TAF4B: variants seen among roughly 807,000 people sequenced by gnomAD.
The protein encoded by TAF4B is transcription initiation factor TFIID subunit 4B.
Under a neutral mutation model 86.4 loss-of-function variants are expected in TAF4B, and 38 were observed. That is an observed-to-expected ratio of 0.44 (90% CI 0.34 to 0.58). The LOEUF (loss-of-function observed/expected upper bound fraction) is 0.58, where lower values mean the gene tolerates loss of function less well. TAF4B is among the 20% of genes least tolerant of loss of function. The pLI, the probability that TAF4B is intolerant of heterozygous loss-of-function variation, is 0.02. For synonymous variants in TAF4B, 388 were observed against 391.2 expected (o/e 0.99, Z 0.10); for missense variants, 988 against 1,027.6 (o/e 0.96, Z 0.53).
intron 9 of TAF4B, among the ~76,000 whole-genome samples, chr18:26,313,718 T>A (rs926340820): frequency 6.6e-5 from 10 of 152,066 alleles, no homozygotes; most frequent in Non-Finnish European, 8.8e-5. Flanking sequence ...CAGGCTACAG[T>A]GCAGTGGCCT....
chr18:26,265,142 G>A (rs1301697929), intron 1 of TAF4B, 28 bp from the exon 2 acceptor site: 2 of 1,599,586 alleles, frequency 1.3e-6, no homozygotes, highest in East Asian at 4.5e-5. Flanking sequence ...TGGCTCAGAG[G>A]TCACTTTTTT....
intron 10 of TAF4B, among the ~76,000 whole-genome samples, chr18:26,316,491 A>C (rs1343406144): frequency 6.6e-6 from 1 of 151,864 alleles, no homozygotes. Flanking sequence ...CCCAGGTTCA[A>C]GTGATTCTCC....
intron 14 of TAF4B, among the ~76,000 whole-genome samples, chr18:26,359,500 T>A (rs2057314201): frequency 6.6e-6 from 1 of 152,228 alleles, no homozygotes; most frequent in East Asian, 1.9e-4. Context: ...AAGAAAGGGC[T>A]TTGTAAATTA....
Position 26,353,993 on chromosome 18 carries a change from A to AT in TAF4B, c.2317-3690dup, listed in dbSNP as rs751630621. Among the ~76,000 whole-genome samples the AT allele has an allele frequency of 1.4e-4, 21 of 152,132 alleles. No individual in the cohort carries two copies. The East Asian group carries it at 3.3e-3, about 24-fold the overall frequency. ...TAGTTTTACATTTATATTTTGATTAATTTTTTTATAAGGTGTGAGGTTTGG... is the reference window on the plus strand; with the variant it reads ...TAGTTTTACATTTATATTTTGATTAATTTTTTTTATAAGGTGTGAGGTTTGG... On this transcript the variant is annotated intron_variant, in intron 13 of 14. Transcript: ENST00000269142.
intron 7 of TAF4B, 24 bp downstream of exon 7, chr18:26,286,523 CCA>C (rs2056525824): frequency 6.4e-7 from 1 of 1,560,336 alleles, no homozygotes; most frequent in Non-Finnish European, 8.6e-7. Flanking sequence ...TGTTTCTTCC[CCA>C]GTTACTTATT....
intron 9 of TAF4B, among the ~76,000 whole-genome samples, chr18:26,299,677 T>C (rs191545393): frequency 3.1e-4 from 47 of 152,348 alleles, no homozygotes; most frequent in Admixed American, 9.8e-4. Context: ...AGAATGTTTT[T>C]TGACAAAGTC....
At position 26,357,652 on chromosome 18, in the gene TAF4B, G is replaced by A. The variant is rs145505912; in HGVS notation, c.2317-38G>A. The A allele has an allele frequency of 1.6e-4, 220 of 1,403,150 alleles. No individual in the cohort carries two copies. The African/African-American group carries it at 2.9e-3, about 19-fold the overall frequency. 86.9% of individuals were successfully genotyped at this position (1,403,150 alleles called of 1,614,324 possible). A position where few individuals can be genotyped will look rare whatever the true frequency, so the allele number is the denominator to read the frequency against. Reference sequence around the variant, plus strand: ...TTTCTTTTTCCCTCTGAGCATGAATGTGTATAAACATTGATATTTTTTTCT... The same window carrying A: ...TTTCTTTTTCCCTCTGAGCATGAATATGTATAAACATTGATATTTTTTTCT... On this transcript the variant is annotated intron_variant, in intron 13 of 14. Coordinates refer to ENST00000269142, the MANE Select transcript of TAF4B (RefSeq NM_005640.3).
chr18:26,279,612 TGTAAGGCTACA>T (rs1215453080), intron 5 of TAF4B, among the ~76,000 whole-genome samples: 2 of 149,042 alleles, frequency 1.3e-5, no homozygotes, highest in Non-Finnish European at 3.0e-5. Context: ...CAGACTATAC[TGTAAGGCTACA>T]GTGATCCAAA....
intron 13 of TAF4B, among the ~76,000 whole-genome samples, chr18:26,343,203 C>T (rs1035573548): frequency 2.4e-4 from 36 of 152,126 alleles, no homozygotes; most frequent in African/African-American, 7.5e-4. Flanking sequence ...CAATCACAGA[C>T]GTGGGTGGGA....
At chr18:26,246,702 T>C (rs964836623) in intron 1 of TAF4B, among the ~76,000 whole-genome samples, 5 of 151,570 alleles carry the variant, frequency 3.3e-5, no homozygotes, top group Admixed American at 6.6e-5. Context: ...CCTGGCTAAT[T>C]TTTTATTTTT....
chr18:26,327,092 G>A lies in TAF4B; in HGVS notation c.2211G>A (p.Lys737=), dbSNP rs2057010576. The stretch of plus-strand genomic sequence containing the variant: ...TTGAAAAGCTGGATCAATTGGAGAA[G>A]CAGAGAAAGGATTTGGAAGAAAGAG... ...KFLEKLDQLE[K]QRKDLEEREM... Residue 737 remains lysine (K), a synonymous_variant, in exon 12 of 15, where the codon AAG becomes AAA. Coordinates refer to ENST00000269142, the MANE Select transcript of TAF4B (RefSeq NM_005640.3). 7 of 1,613,642 alleles carry A rather than the reference G, an allele frequency of 4.3e-6. No homozygotes were observed. The East Asian group carries it at 1.3e-4, about 31-fold the overall frequency.
At chr18:26,310,679 C>T (rs1156760855) in intron 9 of TAF4B, among the ~76,000 whole-genome samples, 1 of 152,096 alleles carries the variant, frequency 6.6e-6, no homozygotes, top group Non-Finnish European at 1.5e-5. Flanking sequence ...GTAATGTGAA[C>T]ATTTTACACG....
At chr18:26,283,463 A>T (rs1268322685) in intron 6 of TAF4B, among the ~76,000 whole-genome samples, 2 of 151,988 alleles carry the variant, frequency 1.3e-5, no homozygotes, top group Admixed American at 6.6e-5. Flanking sequence ...AGTTCTCAAC[A>T]GTGGGCTTAA....
chr18:26,314,363 C>T (rs774170043), intron 9 of TAF4B, among the ~76,000 whole-genome samples: 28 of 152,258 alleles, frequency 1.8e-4, no homozygotes, highest in Middle Eastern at 3.4e-3. Flanking sequence ...TATATATACT[C>T]ATCTTAGTGC....
intron 12 of TAF4B, among the ~76,000 whole-genome samples, chr18:26,329,613 T>C (rs2057035434): frequency 6.6e-6 from 1 of 152,232 alleles, no homozygotes; most frequent in South Asian, 2.1e-4. Context: ...TCCAAGAGTA[T>C]AAGCCTTACC....
At chr18:26,239,585 A>G (rs2055803917) in intron 1 of TAF4B, among the ~76,000 whole-genome samples, 1 of 152,132 alleles carries the variant, frequency 6.6e-6, no homozygotes, top group African/African-American at 2.4e-5. Context: ...GAAGCTCTTT[A>G]GTTTAATAAG....
rs1321283849 is a variant in TAF4B, at chr18:26,313,858, G to A, written c.1833-1371G>A. On this transcript the variant is annotated intron_variant, in intron 9 of 14. Transcript: ENST00000269142. ...TTTTTTTTTGTTTTCTGTAGAGGTG[G>A]TATCTCCCTATGTTGCCCAGGCTGA... 4.0e-5 allele frequency among the ~76,000 whole-genome samples: 6 copies of A among 151,848 alleles called. No individual in the cohort carries two copies. The South Asian group carries it at 6.3e-4, about 16-fold the overall frequency.
intron 1 of TAF4B, among the ~76,000 whole-genome samples, chr18:26,264,067 A>C (rs965505744): frequency 5.9e-5 from 9 of 152,206 alleles, no homozygotes; most frequent in Admixed American, 3.3e-4. Flanking sequence ...CCCAGGACAC[A>C]CAAATTGCCT....
intron 1 of TAF4B, among the ~76,000 whole-genome samples, chr18:26,259,329 C>T (rs1231136804): frequency 1.3e-5 from 2 of 151,726 alleles, no homozygotes; most frequent in Non-Finnish European, 2.9e-5. Flanking sequence ...TACATGTACA[C>T]AACATGCAGG....
Sources: allele counts gnomAD v4.1 joint callset (sites outside exome capture counted in the v4.1 genomes callset), GRCh38; gene constraint gnomAD v4.1.1; transcripts MANE v1.5; gene names NCBI Gene and HGNC (gene_info 2026-07-23, HGNC 2026-07-21).